The following GPC5 variants were observed in gnomAD, a reference collection of about 807,000 sequenced individuals.
GPC5 encodes glypican-5.
Under a neutral mutation model 53.9 loss-of-function variants are expected in GPC5, and 47 were observed. The ratio of observed to expected loss-of-function variants is 0.87; its 90% CI spans 0.69 to 1.11. GPC5 has a LOEUF of 1.11. Ranked by LOEUF, GPC5 falls within the 50% of genes most tolerant of loss-of-function variation. GPC5 has a pLI of 0.00. For synonymous variants in GPC5, 286 were observed against 263.3 expected (o/e 1.09, Z -0.84); for missense variants, 748 against 713.1 (o/e 1.05, Z -0.56).
intron 1 of GPC5, among the ~76,000 whole-genome samples, chr13:91,422,790 G>GAAA (rs1878737520): frequency 1.3e-5 from 2 of 152,124 alleles, no homozygotes; most frequent in African/African-American, 4.8e-5. Flanking sequence ...TCATGAGAGA[G>GAAA]AGCCAATATG....
At chr13:91,719,552 T>G (rs2139956843) in intron 3 of GPC5, among the ~76,000 whole-genome samples, 1 of 152,356 alleles carries the variant, frequency 6.6e-6, no homozygotes, top group African/African-American at 2.4e-5. Flanking sequence ...TCCAGCTAAC[T>G]TACTCCATTA....
At chr13:91,914,437 C>T (rs534233227) in intron 6 of GPC5, among the ~76,000 whole-genome samples, 1 of 151,572 alleles carries the variant, frequency 6.6e-6, no homozygotes, top group Admixed American at 6.6e-5. Flanking sequence ...TTATAGAGAC[C>T]CAAACTTCTT....
intron 1 of GPC5, among the ~76,000 whole-genome samples, chr13:91,406,995 A>G (rs935356667): frequency 6.6e-6 from 1 of 152,284 alleles, no homozygotes; most frequent in Non-Finnish European, 1.5e-5. Context: ...TTACTAGACT[A>G]TAGGCTATTT....
intron 1 of GPC5, among the ~76,000 whole-genome samples, chr13:91,438,062 C>T (rs905806186): frequency 1.4e-4 from 21 of 152,186 alleles, no homozygotes; most frequent in Admixed American, 7.8e-4. Context: ...GTTAACCATT[C>T]GTCTAATTTT....
chr13:92,088,080 A>G (rs2041350045), intron 6 of GPC5, among the ~76,000 whole-genome samples: 1 of 151,796 alleles, frequency 6.6e-6, no homozygotes, highest in African/African-American at 2.4e-5. Context: ...CCCAACTACA[A>G]TCTTGCCGTC....
intron 2 of GPC5, among the ~76,000 whole-genome samples, chr13:91,467,833 C>T (rs1228703238): frequency 6.6e-6 from 1 of 152,050 alleles, no homozygotes; most frequent in African/African-American, 2.4e-5. Flanking sequence ...CACTGTATTG[C>T]ATATGTTTTA....
chr13:91,418,427 G>A (rs1878384413), intron 1 of GPC5, among the ~76,000 whole-genome samples: 1 of 152,168 alleles, frequency 6.6e-6, no homozygotes. Flanking sequence ...CATTTAGATT[G>A]TAGAATTGAC....
chr13:91,412,797 A>T (rs895590974), intron 1 of GPC5, among the ~76,000 whole-genome samples: 2 of 152,236 alleles, frequency 1.3e-5, no homozygotes, highest in East Asian at 3.8e-4. Flanking sequence ...ATTCCGCAGT[A>T]TGAATCAAAG....
chr13:92,701,285 T>A (rs1352625805), intron 7 of GPC5: 3 of 152,134 alleles, frequency 2.0e-5, no homozygotes, highest in African/African-American at 7.2e-5. Flanking sequence ...GTTGTAGTAT[T>A]CTTCATGAAC....
At chr13:92,323,929 T>G (rs2043233027) in intron 7 of GPC5, among the ~76,000 whole-genome samples, 1 of 151,992 alleles carries the variant, frequency 6.6e-6, no homozygotes, top group Non-Finnish European at 1.5e-5. Context: ...TTTACACAAT[T>G]TGCATAAAGA....
intron 6 of GPC5, among the ~76,000 whole-genome samples, chr13:92,035,159 G>A (rs1268361138): frequency 6.7e-6 from 1 of 148,466 alleles, no homozygotes; most frequent in African/African-American, 2.5e-5. Flanking sequence ...GGCTTGCAGT[G>A]AGCAGAGATG....
intron 7 of GPC5, among the ~76,000 whole-genome samples, chr13:92,794,672 CA>C (rs1426016402): frequency 1.3e-5 from 2 of 152,098 alleles, no homozygotes; most frequent in Non-Finnish European, 2.9e-5. Context: ...AGCTGATAAG[CA>C]ACTTCAGTAA....
chr13:92,300,429 A>G (rs972248126), intron 7 of GPC5, among the ~76,000 whole-genome samples: 7 of 152,200 alleles, frequency 4.6e-5, no homozygotes, highest in African/African-American at 1.4e-4. Context: ...CTGTAGGCCT[A>G]GAGTGGACCC....
intron 7 of GPC5, among the ~76,000 whole-genome samples, chr13:92,837,295 T>G (rs1326610285): frequency 6.6e-6 from 1 of 151,994 alleles, no homozygotes; most frequent in Non-Finnish European, 1.5e-5. Flanking sequence ...TGGGATGGAG[T>G]ACAGTATGTT....
chr13:91,757,632 C>T (rs1396343220), intron 5 of GPC5, among the ~76,000 whole-genome samples: 5 of 152,108 alleles, frequency 3.3e-5, no homozygotes, highest in South Asian at 2.1e-4. Context: ...TGAAGAAGGA[C>T]GTATTTGCTT....
intron 7 of GPC5, among the ~76,000 whole-genome samples, chr13:92,568,435 T>C (rs113883742): frequency 6.6e-6 from 1 of 152,320 alleles, no homozygotes; most frequent in African/African-American, 2.4e-5. Flanking sequence ...GAGAATACTT[T>C]TTATTTATCC....
chr13:91,403,389 A>T (rs191047167), intron 1 of GPC5, among the ~76,000 whole-genome samples: 58 of 152,312 alleles, frequency 3.8e-4, no homozygotes, highest in Admixed American at 9.8e-4. Context: ...GGCTATTATT[A>T]TAAGGAAGGT....
At chr13:91,645,961 C>T (rs1350411053) in intron 2 of GPC5, among the ~76,000 whole-genome samples, 1 of 152,164 alleles carries the variant, frequency 6.6e-6, no homozygotes, top group Admixed American at 6.5e-5. Flanking sequence ...GCCCAAATGA[C>T]TGGGTAACAT....
intron 7 of GPC5, among the ~76,000 whole-genome samples, chr13:92,211,257 C>G (rs1001951479): frequency 5.0e-4 from 76 of 152,168 alleles, no homozygotes; most frequent in African/African-American, 1.7e-3. Flanking sequence ...ACTCTTAAGG[C>G]AAACAAGCAC....
Sources: gnomAD v4.1 joint callset for allele counts (sites outside exome capture counted in the v4.1 genomes callset) on GRCh38, gnomAD v4.1.1 for gene constraint, MANE v1.5 for transcripts, NCBI Gene and HGNC (gene_info 2026-07-23, HGNC 2026-07-21) for gene names.